The following SLC24A1 variants were observed in gnomAD, a reference collection of about 807,000 sequenced individuals.
SLC24A1 encodes the protein sodium/potassium/calcium exchanger 1.
A neutral mutation model predicts 88.1 loss-of-function variants in SLC24A1; 52 were observed. That is an observed-to-expected ratio of 0.59 (90% CI 0.47 to 0.74). SLC24A1 has a LOEUF of 0.74. Among genes scored for constraint, SLC24A1 ranks in the 30% least tolerant of loss-of-function variants. The pLI is 0.00. For synonymous variants in SLC24A1, 455 were observed against 498.0 expected, an observed-to-expected ratio of 0.91 and a Z score of 1.15; for missense variants, 1,173 against 1,363.3, an observed-to-expected ratio of 0.86 and a Z score of 2.20.
In SLC24A1 at chr15:65,625,350, C is replaced by T. The variant is rs769082310; in HGVS notation, c.1270C>T (p.Pro424Ser). ...GCTCCCAGAGGAGCTCAGTCCTAGTCCCTCAGTGCTGCCTCCCAGCTTGCC... is the reference window on the plus strand; with the variant it reads ...GCTCCCAGAGGAGCTCAGTCCTAGTTCCTCAGTGCTGCCTCCCAGCTTGCC... ...ALLPEELSPS[P>S]SVLPPSLPDL... The change falls in exon 2 of 10, where the codon CCC becomes TCC. Residue 424 changes from proline to serine, a missense_variant. By Grantham distance (74) the Pro-to-Ser change is moderately conservative (BLOSUM62 -1). Transcript: ENST00000261892. The T allele has an allele frequency of 3.1e-6, 5 of 1,614,046 alleles. No individual in the cohort carries two copies. The highest frequency in any genetic ancestry group is 1.7e-5 in the Admixed American group (1 of 60,020).
intron 2 of SLC24A1, among the ~76,000 whole-genome samples, chr15:65,629,107 G>A (rs961267436): frequency 1.3e-5 from 2 of 152,186 alleles, no homozygotes; most frequent in African/African-American, 4.8e-5. Context: ...TTTAGTAAGA[G>A]CAACATACTT....
At chr15:65,626,081 G>A in intron 2 of SLC24A1, 111 bp downstream of exon 2, 1 of 797,166 alleles carries the variant, frequency 1.3e-6, no homozygotes, top group East Asian at 2.5e-5. Flanking sequence ...TGAATGCTCT[G>A]GTTCCCTTAC....
intron 9 of SLC24A1, among the ~76,000 whole-genome samples, 197 bp from the exon 10 acceptor site, chr15:65,653,633 T>C (rs755779106): frequency 5.3e-5 from 8 of 152,204 alleles, no homozygotes; most frequent in Non-Finnish European, 8.8e-5. Flanking sequence ...CTTCTAGTTA[T>C]TAATGAGTCC....
At chr15:65,620,470 G>A (rs62013120), upstream of SLC24A1, among the ~76,000 whole-genome samples, 9,508 of 152,184 alleles carry the variant, frequency 0.062, 312 homozygotes, top group African/African-American at 0.091. Context: ...AGGATGAGAG[G>A]TTTATAACCA....
intron 7 of SLC24A1, 40 bp from the exon 8 acceptor site, chr15:65,651,630 T>A (rs2075508807): frequency 9.2e-7 from 1 of 1,086,154 alleles, no homozygotes. Context: ...CCTTTTAACC[T>A]CTACAGCTTA....
chr15:65,629,150 C>G (rs1302947678), intron 2 of SLC24A1, among the ~76,000 whole-genome samples: 1 of 152,190 alleles, frequency 6.6e-6, no homozygotes, highest in Non-Finnish European at 1.5e-5. Context: ...AACTTGGAAA[C>G]ATACAATCAG....
chr15:65,659,738 C>T (rs974197724), downstream of SLC24A1: 1 of 153,202 alleles, frequency 6.5e-6, no homozygotes, highest in East Asian at 1.9e-4. Flanking sequence ...ATAATATTCC[C>T]TAGGGATTAA....
At chr15:65,656,323 C>G, downstream of SLC24A1, 1 of 866,108 alleles carries the variant, frequency 1.2e-6, no homozygotes, top group Non-Finnish European at 1.4e-6. Flanking sequence ...AAGTTCTGAT[C>G]ACTTTACAGT....
chr15:65,641,134 G>A (rs1167969586), intron 4 of SLC24A1, among the ~76,000 whole-genome samples: 1 of 152,142 alleles, frequency 6.6e-6, no homozygotes, highest in African/African-American at 2.4e-5. Context: ...CAGTACTTTG[G>A]GAGGCCAAGG....
intron 6 of SLC24A1, among the ~76,000 whole-genome samples, chr15:65,646,595 T>C (rs1195255185): frequency 6.6e-6 from 1 of 150,558 alleles, no homozygotes; most frequent in Admixed American, 6.6e-5. Context: ...TTTTACCAAC[T>C]GTCTTCCTTG....
chr15:65,660,408 G>T, downstream of SLC24A1: 1 of 1,011,260 alleles, frequency 9.9e-7, no homozygotes, highest in Non-Finnish European at 1.5e-6. Context: ...AAGTGTCGTG[G>T]ACTCTACTGG....
intron 8 of SLC24A1, 165 bp from the exon 9 acceptor site, chr15:65,652,477 T>C (rs935793127): frequency 3.5e-6 from 2 of 577,174 alleles, no homozygotes; most frequent in Non-Finnish European, 6.1e-6. Flanking sequence ...TCTTCCTCTC[T>C]GTGGCCATCT....
downstream of SLC24A1, among the ~76,000 whole-genome samples, chr15:65,658,947 G>A (rs2075761973): frequency 1.3e-5 from 2 of 152,070 alleles, no homozygotes; most frequent in South Asian, 4.1e-4. Context: ...GGGTTTTAGA[G>A]CAAAACAGAA....
chr15:65,645,509 C>T, intron 5 of SLC24A1, 103 bp from the exon 6 acceptor site: 1 of 835,206 alleles, frequency 1.2e-6, no homozygotes, highest in Non-Finnish European at 2.0e-6. Flanking sequence ...CTTCAGAAAC[C>T]CTGAAGTCCA....
rs375656193 is a variant in SLC24A1, at chr15:65,652,653, A to G, written c.2895A>G (p.Thr965=). The G allele has an allele frequency of 1.2e-6, 2 of 1,613,996 alleles. No homozygotes were observed. Among genetic ancestry groups the G allele is most frequent in the Non-Finnish European group, 1.7e-6 (2 of 1,179,880 alleles). ...TTGCCGTTTACCAGGTTGGTGAAAC[A>G]ATAGGGATTTCTGAAGAGATCATGG... The part of the protein sequence containing the change: ...MVWWAHQVGE[T]IGISEEIMGL... The change falls in exon 9 of 10, where the codon ACA becomes ACG. Residue 965 remains threonine (T), a synonymous_variant. Coordinates refer to ENST00000261892, the MANE Select transcript of SLC24A1 (RefSeq NM_004727.3).
At chr15:65,640,361 A>C (rs1468604254) in intron 4 of SLC24A1, among the ~76,000 whole-genome samples, 1 of 152,198 alleles carries the variant, frequency 6.6e-6, no homozygotes, top group Non-Finnish European at 1.5e-5. Context: ...AAATGGTGGC[A>C]GCGGCTGAGA....
chr15:65,656,229 C>T lies in SLC24A1; in HGVS notation c.*2150C>T, dbSNP rs966087896. ...TAATGATAAAAGGCTGAAATATCCA[C>T]TGAATGATTAAAACCAACTCTAATA... On this transcript the variant is annotated 3_prime_UTR_variant, in exon 10 of 10. Coordinates refer to ENST00000261892, the MANE Select transcript of SLC24A1 (RefSeq NM_004727.3). The T allele has an allele frequency of 4.3e-5, 42 of 984,750 alleles. No individual in the cohort carries two copies. The highest frequency in any genetic ancestry group is 4.3e-5 in the Non-Finnish European group (36 of 829,408). 61.0% of individuals were successfully genotyped at this position (984,750 alleles called of 1,614,324 possible).
At chr15:65,647,819 C>G (rs1282213162) in intron 6 of SLC24A1, among the ~76,000 whole-genome samples, 1 of 152,182 alleles carries the variant, frequency 6.6e-6, no homozygotes. Flanking sequence ...CTGCAGGCCT[C>G]ATCAGTAGTA....
At chr15:65,631,164 T>C (rs1342417717) in intron 2 of SLC24A1, among the ~76,000 whole-genome samples, 1 of 152,184 alleles carries the variant, frequency 6.6e-6, no homozygotes, top group Non-Finnish European at 1.5e-5. Context: ...GTAGTTGAGA[T>C]TTTACATGCA....
Sources: allele counts gnomAD v4.1 joint callset (sites outside exome capture counted in the v4.1 genomes callset), GRCh38; gene constraint gnomAD v4.1.1; transcripts MANE v1.5; gene names NCBI Gene and HGNC (gene_info 2026-07-23, HGNC 2026-07-21).